GAS7: variants seen among roughly 807,000 people sequenced by gnomAD.
GAS7 encodes the protein growth arrest specific 7.
A neutral mutation model predicts 71.1 loss-of-function variants in GAS7; 28 were observed. That is an observed-to-expected ratio of 0.39 (90% confidence interval 0.29 to 0.54). The LOEUF is 0.54. Ranked by LOEUF, GAS7 falls within the 20% of genes least tolerant of loss-of-function variation. GAS7 has a pLI of 0.62. For synonymous variants in GAS7, 258 were observed against 245.8 expected (o/e 1.05, Z -0.46); for missense variants, 436 against 627.8 (o/e 0.69, Z 3.27).
chr17:9,921,039 C>T (rs1191447704), intron 11 of GAS7, among the ~76,000 whole-genome samples: 1 of 152,148 alleles, frequency 6.6e-6, no homozygotes, highest in Non-Finnish European at 1.5e-5. Flanking sequence ...ACAGAGCCCA[C>T]ACCAAGGCAT....
intron 2 of GAS7, among the ~76,000 whole-genome samples, chr17:10,017,809 C>T (rs536862914): frequency 2.0e-5 from 3 of 152,170 alleles, no homozygotes; most frequent in Admixed American, 6.5e-5. Context: ...TCAAAGCCTA[C>T]ATACTGACTA....
At chr17:9,968,700 A>G (rs1236332555) in intron 4 of GAS7, among the ~76,000 whole-genome samples, 1 of 152,156 alleles carries the variant, frequency 6.6e-6, no homozygotes, top group African/African-American at 2.4e-5. Flanking sequence ...AACCATAATC[A>G]ATCCTCCGGT....
At chr17:10,085,691 C>CAAAAAAA (rs1194345705) in intron 1 of GAS7, among the ~76,000 whole-genome samples, 12 of 58,206 alleles carry the variant, frequency 2.1e-4, no homozygotes, top group African/African-American at 8.1e-4. Flanking sequence ...GATTCCGTCT[C>CAAAAAAA]AAAAAAAAAA....
intron 1 of GAS7, among the ~76,000 whole-genome samples, chr17:10,031,248 G>C (rs2152219481): frequency 6.6e-6 from 1 of 152,338 alleles, no homozygotes; most frequent in South Asian, 2.1e-4. Flanking sequence ...GACTGGGCAG[G>C]GAGAGGACAC....
chr17:9,915,638 T>G lies in GAS7; in HGVS notation c.*1590A>C, dbSNP rs150163987. The G allele has an allele frequency of 0.01, 2,350 of 228,578 alleles. 52 individuals are homozygous for G. Among genetic ancestry groups the G allele is most frequent in the African/African-American group, 0.049 (2,200 of 45,238 alleles). 14.2% of individuals were successfully genotyped at this position (228,578 alleles called of 1,614,324 possible). ...GAAAGAGGCGCCAAAAAATTAGAGA[T>G]TAATAAGTCATCGGTTTCTAGCACG... On this transcript the variant is annotated 3_prime_UTR_variant, in exon 14 of 14. Coordinates refer to ENST00000432992, the MANE Select transcript of GAS7 (RefSeq NM_201433.2).
In GAS7 at chr17:10,026,201, G is replaced by A. The variant is rs1007399025; in HGVS notation, c.184-6304C>T. 54 of 985,194 alleles carry A rather than the reference G, an allele frequency of 5.5e-5. No homozygotes were observed. The highest frequency in any genetic ancestry group is 5.2e-4 in the Middle Eastern group (1 of 1,938). 61.0% of individuals were successfully genotyped at this position (985,194 alleles called of 1,614,324 possible). A position where few individuals can be genotyped will look rare whatever the true frequency, so the allele number is the denominator to read the frequency against. ...TACTCGCTGGTGTTAATGGGTGGTC[G>A]TCAGACACTCGCTTTAGCAGCCAGA... is the stretch of plus-strand genomic sequence containing the variant. On this transcript the variant is annotated intron_variant, in intron 1 of 13. Coordinates refer to ENST00000432992, the MANE Select transcript of GAS7 (RefSeq NM_201433.2). The surrounding 1 kb of genome is among the most constrained non-coding windows in gnomAD (Gnocchi z 4.5).
Position 10,017,133 on chromosome 17 carries a change from AAAATAAATAAAT to A in GAS7, c.304+2632_304+2643del, listed in dbSNP as rs3076181. 8.2e-3 allele frequency among the ~76,000 whole-genome samples: 1,091 copies of A among 132,476 alleles called. 9 individuals are homozygous for A. The highest frequency in any genetic ancestry group is 0.03 in the South Asian group (128 of 4,284). The allele number at this position is 132,476 out of a possible 152,430, so 86.9% of individuals were successfully genotyped here. A position where few individuals can be genotyped will look rare whatever the true frequency, so the allele number is the denominator to read the frequency against. The stretch of plus-strand genomic sequence containing the variant: ...GCAACAGAGTGAGACCCTGTCTAAA[AAAATAAATAAAT>A]AAATAAATAAATAAATAAATAAATA... On this transcript the variant is annotated intron_variant, in intron 2 of 13. Coordinates refer to ENST00000432992, the MANE Select transcript of GAS7 (RefSeq NM_201433.2).
intron 1 of GAS7, among the ~76,000 whole-genome samples, chr17:10,081,467 T>A (rs990109077): frequency 6.6e-6 from 1 of 152,172 alleles, no homozygotes; most frequent in African/African-American, 2.4e-5. Flanking sequence ...AGTTCTTAAA[T>A]GAGGCATAAA....
chr17:10,128,060 G>A (rs982569795), intron 1 of GAS7, among the ~76,000 whole-genome samples: 1 of 152,208 alleles, frequency 6.6e-6, no homozygotes, highest in Admixed American at 6.5e-5. Flanking sequence ...AGGGAGCCCA[G>A]CCAGGCCTGG....
chr17:10,163,764 G>T (rs548726686), intron 1 of GAS7, among the ~76,000 whole-genome samples: 1 of 151,984 alleles, frequency 6.6e-6, no homozygotes, highest in Non-Finnish European at 1.5e-5. Flanking sequence ...TACCCTGAGG[G>T]TTAGAGCTCA....
intron 6 of GAS7, among the ~76,000 whole-genome samples, chr17:9,945,028 C>G (rs1165808818): frequency 2.0e-5 from 3 of 152,128 alleles, no homozygotes; most frequent in Non-Finnish European, 4.4e-5. Flanking sequence ...TAAGAACTCA[C>G]AAGTGTCGCC....
chr17:10,116,885 G>T (rs1350505342), intron 1 of GAS7, among the ~76,000 whole-genome samples: 1 of 151,954 alleles, frequency 6.6e-6, no homozygotes, highest in Non-Finnish European at 1.5e-5. Context: ...GGTGATAAAT[G>T]ATGAGGGGGG....
At chr17:9,954,444 CA>C (rs887051593) in intron 5 of GAS7, among the ~76,000 whole-genome samples, 47 of 140,522 alleles carry the variant, frequency 3.3e-4, no homozygotes, top group African/African-American at 1.3e-3. Flanking sequence ...TGACTGTGGC[CA>C]TCAGGGCAGT....
intron 1 of GAS7, among the ~76,000 whole-genome samples, chr17:10,041,158 TAAAA>T (rs563870890): frequency 8.6e-6 from 1 of 116,792 alleles, no homozygotes. Context: ...CAAGACTGCC[TAAAA>T]AAAAAAAAAA....
chr17:9,936,496 C>T (rs1455982515), intron 8 of GAS7, among the ~76,000 whole-genome samples: 13 of 152,238 alleles, frequency 8.5e-5, no homozygotes, highest in South Asian at 6.2e-4. Flanking sequence ...CCCAACACAA[C>T]GTCCTCAGCT....
chr17:10,150,305 C>A (rs2074154490), intron 1 of GAS7, among the ~76,000 whole-genome samples: 1 of 152,102 alleles, frequency 6.6e-6, no homozygotes, highest in East Asian at 1.9e-4. Context: ...CACTCTCTTG[C>A]ACACTTCAAC....
intron 1 of GAS7, among the ~76,000 whole-genome samples, chr17:10,169,375 G>T (rs1012447172): frequency 6.6e-6 from 1 of 152,196 alleles, no homozygotes; most frequent in Non-Finnish European, 1.5e-5. Flanking sequence ...GGTTAAGCCT[G>T]CCAGTGAAGT....
chr17:10,064,053 G>A (rs766986395), intron 1 of GAS7, among the ~76,000 whole-genome samples: 3 of 152,084 alleles, frequency 2.0e-5, no homozygotes, highest in Admixed American at 6.6e-5. Context: ...AGTCACACAC[G>A]TGCCAACAGA....
intron 2 of GAS7, among the ~76,000 whole-genome samples, chr17:10,018,799 G>A (rs2072145200): frequency 6.6e-6 from 1 of 152,200 alleles, no homozygotes; most frequent in Non-Finnish European, 1.5e-5. Flanking sequence ...GGGTGGTCAT[G>A]TAGTCAGGCA....
Sources: gnomAD v4.1 joint callset for allele counts (sites outside exome capture counted in the v4.1 genomes callset) on GRCh38, gnomAD v4.1.1 for gene constraint, Gnocchi (gnomAD v3.1) non-coding constraint, MANE v1.5 for transcripts, NCBI Gene and HGNC (gene_info 2026-07-23, HGNC 2026-07-21) for gene names.